The following CALN1 variants were observed in gnomAD, a reference collection of about 807,000 sequenced individuals.
CALN1 encodes calcium-binding protein 8.
CALN1 carries 17 observed loss-of-function variants against 30.6 expected under a neutral mutation model. The ratio of observed to expected loss-of-function variants is 0.56; its 90% CI spans 0.38 to 0.83. CALN1 has a LOEUF of 0.83. CALN1 is among the 40% of genes least tolerant of loss of function. The probability of loss-of-function intolerance (pLI) is 0.00; values close to 1 mark genes in which losing one functional copy is unlikely to be tolerated. For missense variants in CALN1, 291 were observed against 354.9 expected, an observed-to-expected ratio of 0.82 and a Z score of 1.45; for synonymous variants, 156 against 131.4, an observed-to-expected ratio of 1.19 and a Z score of -1.28.
At chr7:72,146,389 T>C (rs1422923636) in intron 3 of CALN1, among the ~76,000 whole-genome samples, 2 of 152,000 alleles carry the variant, frequency 1.3e-5, no homozygotes, top group African/African-American at 4.8e-5. Flanking sequence ...GAGAATAAAA[T>C]ACCTAGGAAT....
intron 3 of CALN1, among the ~76,000 whole-genome samples, chr7:72,172,970 GA>G (rs1343798734): frequency 6.7e-6 from 1 of 148,978 alleles, no homozygotes; most frequent in East Asian, 2.0e-4. Flanking sequence ...AATAAGGCAA[GA>G]AAAAAAAGAG....
intron 5 of CALN1, among the ~76,000 whole-genome samples, chr7:72,004,244 T>C (rs1198303027): frequency 2.0e-5 from 3 of 152,186 alleles, no homozygotes; most frequent in East Asian, 1.9e-4. Context: ...ATATGCCCAA[T>C]TGATTTTTGG....
chr7:72,379,481 G>A (rs982997216), intron 2 of CALN1, among the ~76,000 whole-genome samples: 2 of 152,200 alleles, frequency 1.3e-5, no homozygotes, highest in African/African-American at 4.8e-5. Flanking sequence ...TACCAGAAAA[G>A]TCACTCAACC....
chr7:72,246,399 C>T (rs1015498332), intron 3 of CALN1, among the ~76,000 whole-genome samples: 11 of 152,134 alleles, frequency 7.2e-5, no homozygotes, highest in Non-Finnish European at 1.5e-4. Context: ...CTAAGGGACA[C>T]ACGGTGGCTT....
intron 5 of CALN1, among the ~76,000 whole-genome samples, chr7:71,823,974 T>C (rs1439042755): frequency 1.3e-5 from 2 of 151,996 alleles, no homozygotes; most frequent in African/African-American, 4.8e-5. Context: ...ATGGGAAAGA[T>C]CCGCCTTCAT....
chr7:72,475,408 G>A, the CALN1 span, among the ~76,000 whole-genome samples: 12 of 152,084 alleles, frequency 7.9e-5, no homozygotes, highest in Non-Finnish European at 1.6e-4. Flanking sequence ...GCAGTGAGCC[G>A]AGATCGCGCC....
intron 3 of CALN1, among the ~76,000 whole-genome samples, chr7:72,178,638 G>A (rs578006607): frequency 3.3e-5 from 5 of 151,580 alleles, no homozygotes; most frequent in Middle Eastern, 3.4e-3. Context: ...GCAGTGAGCC[G>A]AGATCGCACT....
intron 3 of CALN1, among the ~76,000 whole-genome samples, chr7:72,116,029 A>G (rs2129541877): frequency 6.6e-6 from 1 of 152,230 alleles, no homozygotes; most frequent in Admixed American, 6.5e-5. Flanking sequence ...ATAACAGTCC[A>G]TTGTGTATAT....
At chr7:72,396,573 T>C (rs140170606) in intron 2 of CALN1, among the ~76,000 whole-genome samples, 8 of 152,180 alleles carry the variant, frequency 5.3e-5, no homozygotes, top group Non-Finnish European at 1.0e-4. Flanking sequence ...GGAAGAGATA[T>C]CTGAGCACAT....
intron 5 of CALN1, among the ~76,000 whole-genome samples, chr7:71,901,294 C>T (rs1793832604): frequency 6.6e-6 from 1 of 151,998 alleles, no homozygotes; most frequent in African/African-American, 2.4e-5. Context: ...ATTCCATGCT[C>T]ATGGATCAAA....
At chr7:72,292,343 C>A (rs569279046) in intron 2 of CALN1, among the ~76,000 whole-genome samples, 1 of 151,610 alleles carries the variant, frequency 6.6e-6, no homozygotes, top group Admixed American at 6.6e-5. Context: ...CAGCAGAGAG[C>A]GCTCTGGTCT....
chr7:72,173,036 G>A (rs1789079755), intron 3 of CALN1, among the ~76,000 whole-genome samples: 1 of 151,274 alleles, frequency 6.6e-6, no homozygotes, highest in African/African-American at 2.4e-5. Context: ...TCTCTTATTT[G>A]CAGATGAATG....
At chr7:71,818,872 G>C (rs1185454261) in intron 5 of CALN1, among the ~76,000 whole-genome samples, 1 of 151,498 alleles carries the variant, frequency 6.6e-6, no homozygotes, top group Non-Finnish European at 1.5e-5. Context: ...ACCATGTCTG[G>C]CTAATTTTTG....
the CALN1 span, among the ~76,000 whole-genome samples, chr7:72,454,141 A>G: frequency 3.2e-3 from 490 of 152,268 alleles, 2 homozygotes; most frequent in African/African-American, 0.011. Flanking sequence ...GAACTTGGTT[A>G]GTGTAGGTTG....
intron 5 of CALN1, among the ~76,000 whole-genome samples, chr7:71,984,911 C>T (rs769825716): frequency 1.3e-5 from 2 of 152,094 alleles, no homozygotes; most frequent in African/African-American, 2.4e-5. Context: ...CATTACTGCC[C>T]AGATTCTTCT....
intron 3 of CALN1, among the ~76,000 whole-genome samples, chr7:72,266,030 A>C (rs1360229298): frequency 1.3e-5 from 2 of 151,858 alleles, no homozygotes; most frequent in African/African-American, 4.8e-5. Flanking sequence ...TGCCATTGGG[A>C]GGCTGAGGTG....
At chr7:72,333,293 T>A (rs1458262283) in intron 2 of CALN1, among the ~76,000 whole-genome samples, 4 of 152,258 alleles carry the variant, frequency 2.6e-5, no homozygotes, top group Non-Finnish European at 4.4e-5. Context: ...AATTTTTTGA[T>A]GACAGGCACT....
At chr7:71,971,727 G>A (rs1013569923) in intron 5 of CALN1, among the ~76,000 whole-genome samples, 24 of 151,278 alleles carry the variant, frequency 1.6e-4, no homozygotes, top group African/African-American at 4.6e-4. Flanking sequence ...GTAAAACCCC[G>A]TCTCTACAAA....
intron 5 of CALN1, among the ~76,000 whole-genome samples, chr7:71,945,100 A>G (rs768137209): frequency 3.9e-5 from 6 of 152,124 alleles, no homozygotes; most frequent in Admixed American, 6.5e-5. Context: ...TATTAGCTCA[A>G]AGGAGAGCTG....
Sources: gnomAD v4.1 joint callset for allele counts (sites outside exome capture counted in the v4.1 genomes callset) on GRCh38, gnomAD v4.1.1 for gene constraint, MANE v1.5 for transcripts, NCBI Gene and HGNC (gene_info 2026-07-23, HGNC 2026-07-21) for gene names.